NLE1: variants seen among roughly 807,000 people sequenced by gnomAD.
NLE1 encodes notchless protein homolog 1.
Under a neutral mutation model 62.8 loss-of-function variants are expected in NLE1, and 37 were observed. That is an observed-to-expected ratio of 0.59 (90% CI 0.45 to 0.78). The LOEUF is 0.78. Among genes scored for constraint, NLE1 ranks in the 30% least tolerant of loss-of-function variants. The pLI is 0.00. For synonymous variants in NLE1, 243 were observed against 253.0 expected (o/e 0.96, Z 0.37); for missense variants, 555 against 637.9 (o/e 0.87, Z 1.40).
intron 2 of NLE1, 65 bp downstream of exon 2, chr17:35,141,914 A>G (rs1012852461): frequency 8.1e-5 from 121 of 1,502,300 alleles, no homozygotes; most frequent in Non-Finnish European, 9.8e-5. Flanking sequence ...ACCCTCGGTA[A>G]TATGATTCCC....
intron 10 of NLE1, among the ~76,000 whole-genome samples, chr17:35,134,413 T>C (rs2091896550): frequency 6.6e-6 from 1 of 152,124 alleles, no homozygotes; most frequent in Admixed American, 6.5e-5. Flanking sequence ...CATTTTTTTT[T>C]TTTTGAGACA....
rs549704502 is a variant in NLE1 at position 35,141,552 on chromosome 17, CAA to C, written c.162+425_162+426del. The stretch of plus-strand genomic sequence containing the variant: ...CTGGCGACAAAGTGAGACTCCGTCT[CAA>C]AAAAAAAAAAAAAAAAGGTAAATAA... On this transcript the variant is annotated intron_variant, in intron 2 of 12. Transcript: ENST00000442241. Among the ~76,000 whole-genome samples, 7 of 83,594 alleles carry C rather than the reference CAA, an allele frequency of 8.4e-5. No individual in the cohort carries two copies. The East Asian group carries it at 1.2e-3, about 14-fold the overall frequency. The allele number at this position is 83,594 out of a possible 152,430, so 54.8% of individuals were successfully genotyped here.
Position 35,129,988 on chromosome 17 carries a change from G to C in NLE1, c.*2449C>G. ...AGTCAAGGGCATTGAAAGAAATAGG[G>C]AAGACAAGAGGCTAAAGGGGGACGA... On this transcript the variant is annotated 3_prime_UTR_variant, in exon 13 of 13. Transcript: ENST00000442241. 1 of 1,376,518 alleles carries C rather than the reference G, an allele frequency of 7.3e-7. No individual in the cohort carries two copies. The highest frequency in any genetic ancestry group is 1.7e-5 in the South Asian group (1 of 59,242). The allele number at this position is 1,376,518 out of a possible 1,614,324, so 85.3% of individuals were successfully genotyped here.
rs1238921748 is a variant in NLE1 at position 35,139,882 on chromosome 17, G to A, written c.347C>T (p.Ala116Val). The part of the protein sequence containing the change: ...CTSSLEGHSE[A>V]VISVAFSPTG... ...AGGGCTGAAGGCCACAGAAATGACTGCCTCACTGTGACCCTCCAAGGAGCT... is the reference window on the plus strand; with the variant it reads ...AGGGCTGAAGGCCACAGAAATGACTACCTCACTGTGACCCTCCAAGGAGCT... The change falls in exon 3 of 13, where the codon GCA (alanine) becomes GTA (valine). Residue 116 changes from alanine (A) to valine (V), a missense_variant. By Grantham distance (64) the Ala-to-Val change is moderately conservative (BLOSUM62 0). Coordinates refer to ENST00000442241, the MANE Select transcript of NLE1 (RefSeq NM_018096.5). The A allele has an allele frequency of 1.9e-6, 3 of 1,613,586 alleles. No homozygotes were observed. In the East Asian group the frequency reaches 6.7e-5, roughly 36 times the overall value.
chr17:35,139,870 A>G lies in NLE1; in HGVS notation c.359T>C (p.Val120Ala). 6 of 1,613,502 alleles carry G rather than the reference A, an allele frequency of 3.7e-6. No homozygotes were observed. The highest frequency in any genetic ancestry group is 5.1e-6 in the Non-Finnish European group (6 of 1,180,030). The change falls in exon 3 of 13, where the codon GTG (valine) becomes GCG (alanine). Residue 120 changes from valine (V) to alanine (A), a missense_variant. By Grantham distance (64) the Val-to-Ala change is moderately conservative (BLOSUM62 0). Transcript: ENST00000442241. ...TTACTTTCCCGTAGGGCTGAAGGCC[A>G]CAGAAATGACTGCCTCACTGTGACC... ...LEGHSEAVIS[V>A]AFSPTGKYLA... is the part of the protein sequence containing the mutation.
chr17:35,129,652 C>T lies in NLE1; in HGVS notation c.*2785G>A, dbSNP rs1336008467. The T allele has an allele frequency of 6.2e-7, 1 of 1,613,576 alleles. No individual in the cohort carries two copies. Among genetic ancestry groups the T allele is most frequent in the Non-Finnish European group, 8.5e-7 (1 of 1,179,878 alleles). On this transcript the variant is annotated 3_prime_UTR_variant, in exon 13 of 13. Coordinates refer to ENST00000442241, the MANE Select transcript of NLE1 (RefSeq NM_018096.5). ...CTGGGGTGGGGAAGTGGTGCAAGCC[C>T]TACAAAGTGAGCCCTGGGAAAAGAG...
At chr17:35,141,415 G>A (rs544799376) in intron 2 of NLE1, among the ~76,000 whole-genome samples, 4 of 152,038 alleles carry the variant, frequency 2.6e-5, no homozygotes, top group South Asian at 2.1e-4. Context: ...GTGTGGTGGC[G>A]CGCGCCTGTA....
intron 8 of NLE1, 37 bp downstream of exon 8, chr17:35,136,325 C>G: frequency 6.2e-7 from 1 of 1,607,888 alleles, no homozygotes; most frequent in Non-Finnish European, 8.5e-7. Flanking sequence ...GGCTCCTTCC[C>G]AATCAGCCCC....
intron 5 of NLE1, 74 bp from the exon 6 acceptor site, chr17:35,137,714 T>TTACCC: frequency 8.2e-7 from 1 of 1,212,392 alleles, no homozygotes; most frequent in Non-Finnish European, 1.2e-6. Flanking sequence ...GCCTACCACT[T>TTACCC]CCCACCCAAC....
In NLE1 at chr17:35,136,870, C is replaced by A. The variant is rs767995775; in HGVS notation, c.828+131G>T. The A allele has an allele frequency of 4.5e-6, 4 of 890,074 alleles. No individual in the cohort carries two copies. In the South Asian group the frequency reaches 4.9e-5, roughly 11 times the overall value. 55.1% of individuals were successfully genotyped at this position (890,074 alleles called of 1,614,324 possible). Reference sequence around the variant, plus strand: ...CACAGAACTCCTCATTCCCAAAACACCTCCCTAGACCAGGGCTCCCAGCAC... The same window carrying A: ...CACAGAACTCCTCATTCCCAAAACAACTCCCTAGACCAGGGCTCCCAGCAC... On this transcript the variant is annotated intron_variant, in intron 7 of 12. Coordinates refer to ENST00000442241, the MANE Select transcript of NLE1 (RefSeq NM_018096.5).
chr17:35,132,335 G>A lies in NLE1; in HGVS notation c.*102C>T. 9.5e-7 allele frequency: 1 copy of A among 1,051,150 alleles called. No individual in the cohort carries two copies. 65.1% of individuals were successfully genotyped at this position (1,051,150 alleles called of 1,614,324 possible). ...ACGCATTCTCAGGTCCCCACTGGTG[G>A]GGAGGGTGTGTGCACTGCCATCTCA... On this transcript the variant is annotated 3_prime_UTR_variant, in exon 13 of 13. Transcript: ENST00000442241.
chr17:35,139,253 G>A lies in NLE1; in HGVS notation c.442C>T (p.Pro148Ser). 3 of 1,613,948 alleles carry A rather than the reference G, an allele frequency of 1.9e-6. No individual in the cohort carries two copies. The highest frequency in any genetic ancestry group is 2.5e-6 in the Non-Finnish European group (3 of 1,179,878). ...VRFWDLSTET[P>S]HFTCKGHRHW... ...TACTGACCCTTGCATGTGAAATGTGGTGTCTCTGTGCTGAGATCCCAGAAG... is the reference window on the plus strand; with the variant it reads ...TACTGACCCTTGCATGTGAAATGTGATGTCTCTGTGCTGAGATCCCAGAAG... Residue 148 changes from proline to serine, a missense_variant, in exon 4 of 13, where the codon CCA becomes TCA. Pro to Ser is a moderately conservative substitution (Grantham distance 74, BLOSUM62 -1). Coordinates refer to ENST00000442241, the MANE Select transcript of NLE1 (RefSeq NM_018096.5).
In NLE1 at chr17:35,129,604, C is replaced by T. The variant is rs749153121; in HGVS notation, c.*2833G>A. The T allele has an allele frequency of 1.2e-6, 2 of 1,614,046 alleles. No homozygotes were observed. Among genetic ancestry groups the T allele is most frequent in the East Asian group, 4.5e-5 (2 of 44,890 alleles). ...TAAAGCCTAACACGTGTTACTGCCT[C>T]AGTGTCCGTGCAGCCAACACAGCTG... On this transcript the variant is annotated 3_prime_UTR_variant, in exon 13 of 13. Coordinates refer to ENST00000442241, the MANE Select transcript of NLE1 (RefSeq NM_018096.5).
chr17:35,138,495 G>A (rs905425098), intron 4 of NLE1, among the ~76,000 whole-genome samples: 3 of 152,136 alleles, frequency 2.0e-5, no homozygotes, highest in Admixed American at 2.0e-4. Context: ...CCAGGCTGGA[G>A]TGCAGTGGTG....
At chr17:35,137,991 TA>T in intron 4 of NLE1, 101 bp from the exon 5 acceptor site, 1 of 782,494 alleles carries the variant, frequency 1.3e-6, no homozygotes. Context: ...ACCATTTGAA[TA>T]AATGAATGAT....
In NLE1 at chr17:35,137,428, G is replaced by T; in HGVS notation, c.635+115C>A. 4.3e-6 allele frequency: 4 copies of T among 923,646 alleles called. 1 individual carries two copies. In the South Asian group the frequency reaches 4.7e-5, roughly 11 times the overall value. The allele number at this position is 923,646 out of a possible 1,614,324, so 57.2% of individuals were successfully genotyped here. The stretch of plus-strand genomic sequence containing the variant: ...CTCCCATGCCTGCCAAGCCATCACG[G>T]TCATTCAGGCTGCCCATCTTGTCCC... On this transcript the variant is annotated intron_variant, in intron 6 of 12. Coordinates refer to ENST00000442241, the MANE Select transcript of NLE1 (RefSeq NM_018096.5).
In NLE1 at chr17:35,137,892, TAA is replaced by T; in HGVS notation, c.461-4_461-3del. 2 of 1,611,760 alleles carry T rather than the reference TAA, an allele frequency of 1.2e-6. No individual in the cohort carries two copies. Among genetic ancestry groups the T allele is most frequent in the Non-Finnish European group, 1.7e-6 (2 of 1,178,370 alleles). Reference sequence around the variant, plus strand: ...TACTAAGGACCCAGTGTCTGTGTCCTAAGAAAGCAGAGGAGGGAGAAATAAGG... The same window carrying T: ...TACTAAGGACCCAGTGTCTGTGTCCTGAAAGCAGAGGAGGGAGAAATAAGG... On this transcript the variant is annotated splice_polypyrimidine_tract_variant and splice_region_variant and intron_variant, in intron 4 of 12. Transcript: ENST00000442241.
intron 10 of NLE1, 54 bp from the exon 11 acceptor site, chr17:35,133,552 C>G (rs960227171): frequency 3.3e-6 from 5 of 1,518,686 alleles, no homozygotes; most frequent in Non-Finnish European, 4.4e-6. Flanking sequence ...TCTTTCAACA[C>G]GTCTGAAGGG....
Position 35,132,381 on chromosome 17 carries a change from A to G in NLE1, c.*56T>C. ...TCTCAGCCTTTGTTCTCTGGCAGGGAAGGCAGCTGGCAGAGGCCGAGTCGA... is the reference window on the plus strand; with the variant it reads ...TCTCAGCCTTTGTTCTCTGGCAGGGGAGGCAGCTGGCAGAGGCCGAGTCGA... On this transcript the variant is annotated 3_prime_UTR_variant, in exon 13 of 13. Coordinates refer to ENST00000442241, the MANE Select transcript of NLE1 (RefSeq NM_018096.5). The G allele has an allele frequency of 7.0e-7, 1 of 1,423,612 alleles. No homozygotes were observed. The highest frequency in any genetic ancestry group is 1.6e-5 in the South Asian group (1 of 63,078). 88.2% of individuals were successfully genotyped at this position (1,423,612 alleles called of 1,614,324 possible).
Sources: gnomAD v4.1 joint callset for allele counts (sites outside exome capture counted in the v4.1 genomes callset) on GRCh38, gnomAD v4.1.1 for gene constraint, MANE v1.5 for transcripts, NCBI Gene and HGNC (gene_info 2026-07-23, HGNC 2026-07-21) for gene names.